The following DOK6 variants were observed in gnomAD, a reference collection of about 807,000 sequenced individuals.
DOK6 encodes the protein downstream of tyrosine kinase 6.
DOK6 carries 22 observed loss-of-function variants against 44.0 expected under a neutral mutation model. That is an observed-to-expected ratio of 0.50 (90% CI 0.36 to 0.71). DOK6 has a LOEUF of 0.71. DOK6 is among the 30% of genes least tolerant of loss of function. DOK6 has a pLI of 0.00. For missense variants in DOK6, 340 were observed against 416.4 expected (o/e 0.82, Z 1.60); for synonymous variants, 166 against 145.5 (o/e 1.14, Z -1.01).
At chr18:69,556,507 T>C (rs1224577229) in intron 1 of DOK6, among the ~76,000 whole-genome samples, 1 of 152,212 alleles carries the variant, frequency 6.6e-6, no homozygotes, top group Non-Finnish European at 1.5e-5. Flanking sequence ...TTTACAAATG[T>C]GCTTCTTTGT....
At chr18:69,759,392 C>T (rs1057139371) in intron 7 of DOK6, among the ~76,000 whole-genome samples, 2 of 151,000 alleles carry the variant, frequency 1.3e-5, no homozygotes, top group African/African-American at 4.8e-5. Context: ...CACTTGAAAA[C>T]AAACTATAAA....
chr18:69,791,423 C>T (rs527629007), intron 7 of DOK6, among the ~76,000 whole-genome samples: 5 of 152,236 alleles, frequency 3.3e-5, no homozygotes, highest in Middle Eastern at 3.4e-3. Context: ...TTGTTATTGC[C>T]TGTCCTTTGA....
At chr18:69,468,604 T>C (rs1373405790) in intron 1 of DOK6, among the ~76,000 whole-genome samples, 1 of 152,214 alleles carries the variant, frequency 6.6e-6, no homozygotes, top group African/African-American at 2.4e-5. Context: ...TTCTGAGATC[T>C]GAGAAGCACG....
chr18:69,580,440 G>A (rs1041771261), intron 2 of DOK6, among the ~76,000 whole-genome samples: 1 of 152,174 alleles, frequency 6.6e-6, no homozygotes, highest in Middle Eastern at 3.2e-3. Context: ...TGACCAACTG[G>A]AGAATACTCT....
chr18:69,699,087 G>C (rs1986454846), intron 5 of DOK6, among the ~76,000 whole-genome samples: 1 of 152,028 alleles, frequency 6.6e-6, no homozygotes, highest in African/African-American at 2.4e-5. Context: ...GAATCCATAA[G>C]GGTCTGAAAT....
chr18:69,634,921 T>C (rs1037224506), intron 3 of DOK6, among the ~76,000 whole-genome samples: 7 of 152,212 alleles, frequency 4.6e-5, no homozygotes, highest in African/African-American at 1.7e-4. Context: ...GTAAACTCTT[T>C]CGACCTATGT....
chr18:69,558,098 T>G (rs1982733279), intron 1 of DOK6, among the ~76,000 whole-genome samples: 1 of 152,198 alleles, frequency 6.6e-6, no homozygotes. Flanking sequence ...TCCTTTATTA[T>G]TCTTTTTTCT....
At chr18:69,839,899 A>G (rs1239588528) in intron 7 of DOK6, among the ~76,000 whole-genome samples, 1 of 152,228 alleles carries the variant, frequency 6.6e-6, no homozygotes, top group South Asian at 2.1e-4. Context: ...CGTGGACAGC[A>G]ACAGAATCCA....
intron 3 of DOK6, among the ~76,000 whole-genome samples, chr18:69,674,628 G>A (rs1985880018): frequency 6.6e-6 from 1 of 151,818 alleles, no homozygotes; most frequent in African/African-American, 2.4e-5. Context: ...ACAGTGCTAT[G>A]CACACTCACA....
chr18:69,660,914 C>G (rs1482370944), intron 3 of DOK6: 1 of 152,438 alleles, frequency 6.6e-6, no homozygotes, highest in African/African-American at 2.4e-5. Flanking sequence ...CGTGATCCAC[C>G]TGCCTCGGCC....
chr18:69,726,854 A>T (rs1300605217), intron 5 of DOK6, among the ~76,000 whole-genome samples: 1 of 80,844 alleles, frequency 1.2e-5, no homozygotes, highest in Non-Finnish European at 2.7e-5. Context: ...ATCCTTTTTA[A>T]AAAAAAAAAA....
At chr18:69,762,145 G>GCATACATACATACATA (rs1491187104) in intron 7 of DOK6, among the ~76,000 whole-genome samples, 6 of 108,970 alleles carry the variant, frequency 5.5e-5, no homozygotes, top group African/African-American at 6.8e-5. Flanking sequence ...CTCCATCTCT[G>GCATACATACATACATA]CATGCATACA....
Position 69,841,823 on chromosome 18 carries a change from T to C in DOK6, c.*440T>C, listed in dbSNP as rs191920228. ...TCCACAAGCTCTGTGGCTTTTAAAGTTCTGACAGGGATAAATACAGTAAGC... is the reference window on the plus strand; with the variant it reads ...TCCACAAGCTCTGTGGCTTTTAAAGCTCTGACAGGGATAAATACAGTAAGC... On this transcript the variant is annotated 3_prime_UTR_variant, in exon 8 of 8. Transcript: ENST00000382713. 6.2e-6 allele frequency: 1 copy of C among 161,994 alleles called. No individual in the cohort carries two copies. Among genetic ancestry groups the C allele is most frequent in the East Asian group, 1.7e-4 (1 of 5,954 alleles). 10.0% of individuals were successfully genotyped at this position (161,994 alleles called of 1,614,324 possible).
intron 3 of DOK6, among the ~76,000 whole-genome samples, chr18:69,637,315 A>G (rs949902459): frequency 6.6e-6 from 1 of 152,258 alleles, no homozygotes; most frequent in Admixed American, 6.5e-5. Context: ...GCAATGTAAC[A>G]TGTCTCCCTT....
At chr18:69,802,807 G>A (rs759713498) in intron 7 of DOK6, among the ~76,000 whole-genome samples, 1 of 152,114 alleles carries the variant, frequency 6.6e-6, no homozygotes, top group Non-Finnish European at 1.5e-5. Context: ...TGTACAGCCT[G>A]CAGAAATGTG....
chr18:69,725,438 A>G (rs11878016), intron 5 of DOK6, among the ~76,000 whole-genome samples: 1 of 152,116 alleles, frequency 6.6e-6, no homozygotes, highest in Non-Finnish European at 1.5e-5. Flanking sequence ...TTGAAACTTA[A>G]ATATGCAGAA....
intron 1 of DOK6, among the ~76,000 whole-genome samples, chr18:69,467,758 G>A (rs1979969949): frequency 6.6e-6 from 1 of 152,100 alleles, no homozygotes. Context: ...ATTACCTGAG[G>A]AGTTTGTGTA....
chr18:69,601,404 G>C (rs1331946270), intron 3 of DOK6, among the ~76,000 whole-genome samples: 1 of 152,152 alleles, frequency 6.6e-6, no homozygotes, highest in Non-Finnish European at 1.5e-5. Flanking sequence ...TATCGATATT[G>C]ATCTATTAAT....
chr18:69,848,426 C>G lies in DOK6; in HGVS notation c.*7043C>G, dbSNP rs1982400620. ...GGCATACTTCATTTTTAGTAACAAT[C>G]TATTCTAGATAAATGATAATTTGGG... On this transcript the variant is annotated 3_prime_UTR_variant, in exon 8 of 8. Transcript: ENST00000382713. 1 of 152,126 alleles carries G rather than the reference C, an allele frequency of 6.6e-6. No homozygotes were observed. The highest frequency in any genetic ancestry group is 1.5e-5 in the Non-Finnish European group (1 of 68,026). 9.4% of individuals were successfully genotyped at this position (152,126 alleles called of 1,614,324 possible).
Sources: gnomAD v4.1 joint callset for allele counts (sites outside exome capture counted in the v4.1 genomes callset) on GRCh38, gnomAD v4.1.1 for gene constraint, MANE v1.5 for transcripts, NCBI Gene and HGNC (gene_info 2026-07-23, HGNC 2026-07-21) for gene names.